DCBLD1: variants seen among roughly 807,000 people sequenced by gnomAD.
DCBLD1 encodes the protein discoidin, CUB and LCCL domain-containing protein 1.
Under a neutral mutation model 71.5 loss-of-function variants are expected in DCBLD1, and 57 were observed. The observed-to-expected ratio is 0.80, with a 90% CI of 0.64 to 0.99. The LOEUF (loss-of-function observed/expected upper bound fraction) is 0.99. Among genes scored for constraint, DCBLD1 ranks in the 50% least tolerant of loss-of-function variants. DCBLD1 has a pLI of 0.00. For synonymous variants in DCBLD1, 380 were observed against 363.8 expected (o/e 1.04, Z -0.51); for missense variants, 891 against 923.5 (o/e 0.96, Z 0.46).
chr6:117,509,624 CTCT>C (rs1374301120), intron 2 of DCBLD1, among the ~76,000 whole-genome samples: 4 of 152,046 alleles, frequency 2.6e-5, no homozygotes, highest in Admixed American at 2.0e-4. Flanking sequence ...TCCCAGCCGC[CTCT>C]TCTTCTTCCT....
chr6:117,535,167 G>T (rs1254211129), intron 6 of DCBLD1, among the ~76,000 whole-genome samples: 1 of 152,212 alleles, frequency 6.6e-6, no homozygotes, highest in Non-Finnish European at 1.5e-5. Flanking sequence ...AAGTATTGCA[G>T]CTGAGGAAGA....
At chr6:117,569,508 ACAG>A in intron 14 of DCBLD1, 4 of 1,576,426 alleles carry the variant, frequency 2.5e-6, no homozygotes, top group Non-Finnish European at 1.7e-6. Flanking sequence ...AGGGAAGTAT[ACAG>A]TGTTCAATAG....
intron 14 of DCBLD1, 46 bp from the exon 15 acceptor site, chr6:117,547,861 G>A: frequency 6.5e-7 from 1 of 1,550,116 alleles, no homozygotes; most frequent in Non-Finnish European, 8.7e-7. Flanking sequence ...TGACAGGCCG[G>A]CCCGTGTGTG....
At chr6:117,545,768 T>C (rs1779247993) in intron 14 of DCBLD1, among the ~76,000 whole-genome samples, 171 bp downstream of exon 14, 1 of 152,218 alleles carries the variant, frequency 6.6e-6, no homozygotes, top group African/African-American at 2.4e-5. Flanking sequence ...ACTGAGATAT[T>C]ACTTAAAAGC....
intron 5 of DCBLD1, among the ~76,000 whole-genome samples, chr6:117,530,658 T>C (rs1291926196): frequency 6.6e-6 from 1 of 152,188 alleles, no homozygotes; most frequent in Non-Finnish European, 1.5e-5. Flanking sequence ...GCATATACTT[T>C]GTGGAGTTAG....
chr6:117,533,241 G>T (rs991991964), intron 6 of DCBLD1, among the ~76,000 whole-genome samples: 1 of 152,216 alleles, frequency 6.6e-6, no homozygotes, highest in Non-Finnish European at 1.5e-5. Context: ...GCACAAGACA[G>T]AGGTTTTAGG....
chr6:117,493,680 G>A (rs1012575313), intron 1 of DCBLD1, among the ~76,000 whole-genome samples: 1 of 152,160 alleles, frequency 6.6e-6, no homozygotes, highest in Non-Finnish European at 1.5e-5. Context: ...GGTGACTTAG[G>A]CAGTAGTGGC....
At chr6:117,516,714 A>G (rs986780046) in intron 2 of DCBLD1, among the ~76,000 whole-genome samples, 3 of 152,228 alleles carry the variant, frequency 2.0e-5, no homozygotes, top group Admixed American at 6.5e-5. Context: ...TTACAGTTCC[A>G]CGTAGCTGGG....
chr6:117,549,626 C>A lies in DCBLD1; in HGVS notation c.*1187C>A. On this transcript the variant is annotated 3_prime_UTR_variant, in exon 15 of 15. Transcript: ENST00000338728. ...TTTTCCCTGAAGAATGTATTATAAC[C>A]CTATTTGTGTGGTTATTACATCCTG... is the stretch of plus-strand genomic sequence containing the variant. 1.0e-6 allele frequency: 1 copy of A among 985,062 alleles called. No homozygotes were observed. The highest frequency in any genetic ancestry group is 4.7e-5 in the South Asian group (1 of 21,260). 61.0% of individuals were successfully genotyped at this position (985,062 alleles called of 1,614,324 possible). A position where few individuals can be genotyped will look rare whatever the true frequency, so the allele number is the denominator to read the frequency against.
intron 1 of DCBLD1, among the ~76,000 whole-genome samples, chr6:117,486,563 T>G (rs555108843): frequency 1.3e-5 from 2 of 152,220 alleles, no homozygotes; most frequent in Non-Finnish European, 2.9e-5. Flanking sequence ...TTTTTGCTAT[T>G]TCTCCAAAAT....
chr6:117,484,166 C>A (rs1008189586), intron 1 of DCBLD1, among the ~76,000 whole-genome samples: 2 of 152,084 alleles, frequency 1.3e-5, no homozygotes, highest in African/African-American at 4.8e-5. Context: ...ACCTTTAATA[C>A]TATACGTCTG....
intron 7 of DCBLD1, 152 bp downstream of exon 7, chr6:117,537,377 A>G: frequency 1.6e-6 from 1 of 630,748 alleles, no homozygotes. Context: ...TACTAAAAAT[A>G]CAAAAAATTA....
intron 2 of DCBLD1, among the ~76,000 whole-genome samples, chr6:117,512,495 C>T (rs1349053305): frequency 6.6e-6 from 1 of 152,164 alleles, no homozygotes; most frequent in African/African-American, 2.4e-5. Flanking sequence ...AAGGACAAAT[C>T]TGCGATTTGA....
At chr6:117,504,108 G>T (rs1203113383) in intron 2 of DCBLD1, 129 bp downstream of exon 2, 4 of 1,002,642 alleles carry the variant, frequency 4.0e-6, no homozygotes, top group Non-Finnish European at 5.8e-6. Flanking sequence ...GTAAATTCTT[G>T]GGGGTAACTT....
At chr6:117,528,277 G>C (rs754665065) in intron 5 of DCBLD1, among the ~76,000 whole-genome samples, 3 of 152,080 alleles carry the variant, frequency 2.0e-5, no homozygotes, top group Non-Finnish European at 2.9e-5. Flanking sequence ...AAACATTATT[G>C]ACATGGTAAT....
chr6:117,523,521 A>G (rs1294401565), intron 4 of DCBLD1, among the ~76,000 whole-genome samples: 2 of 152,252 alleles, frequency 1.3e-5, no homozygotes, highest in East Asian at 3.8e-4. Context: ...TACATCATAT[A>G]CATCATTAGA....
At chr6:117,498,537 C>G (rs1471817160) in intron 1 of DCBLD1, among the ~76,000 whole-genome samples, 1 of 152,160 alleles carries the variant, frequency 6.6e-6, no homozygotes, top group African/African-American at 2.4e-5. Flanking sequence ...ATAGGTGGCA[C>G]TTTACTGTGT....
chr6:117,561,754 T>C (rs926215802), intron 14 of DCBLD1: 7 of 206,274 alleles, frequency 3.4e-5, no homozygotes, highest in African/African-American at 1.1e-4. Flanking sequence ...CAAATTAACA[T>C]GGTGATATAC....
At chr6:117,497,241 C>A (rs543461467) in intron 1 of DCBLD1, among the ~76,000 whole-genome samples, 2 of 152,178 alleles carry the variant, frequency 1.3e-5, no homozygotes, top group African/African-American at 4.8e-5. Flanking sequence ...TTACTCCACC[C>A]AAATCATTTT....
Sources: allele counts gnomAD v4.1 joint callset (sites outside exome capture counted in the v4.1 genomes callset), GRCh38; gene constraint gnomAD v4.1.1; transcripts MANE v1.5; gene names NCBI Gene and HGNC (gene_info 2026-07-23, HGNC 2026-07-21).